The following RALYL variants were observed in gnomAD, a reference collection of about 807,000 sequenced individuals.
RALYL encodes RNA-binding Raly-like protein.
A neutral mutation model predicts 35.1 loss-of-function variants in RALYL; 29 were observed. That is an observed-to-expected ratio of 0.83 (90% confidence interval 0.61 to 1.13). The LOEUF is 1.13. RALYL is among the 50% of genes most tolerant of loss of function. The probability of loss-of-function intolerance (pLI) is 0.00; values close to 1 mark genes in which losing one functional copy is unlikely to be tolerated. For missense variants in RALYL, 359 were observed against 360.4 expected (o/e 1.00, Z 0.03); for synonymous variants, 120 against 127.6 (o/e 0.94, Z 0.40).
intron 2 of RALYL, among the ~76,000 whole-genome samples, chr8:84,659,181 T>C (rs536931467): frequency 6.6e-6 from 1 of 152,144 alleles, no homozygotes; most frequent in South Asian, 2.1e-4. Flanking sequence ...GGAAATAAGA[T>C]TGTAGAATGT....
intron 1 of RALYL, among the ~76,000 whole-genome samples, chr8:84,505,989 G>A (rs974804513): frequency 1.3e-5 from 2 of 152,032 alleles, no homozygotes; most frequent in Non-Finnish European, 2.9e-5. Context: ...CTAGTGTACT[G>A]TGAAATAGAA....
intron 4 of RALYL, among the ~76,000 whole-genome samples, chr8:84,835,213 C>A (rs1831705485): frequency 6.6e-6 from 1 of 152,012 alleles, no homozygotes; most frequent in Admixed American, 6.5e-5. Context: ...TAAATCTATA[C>A]AAATTAGCTA....
intron 2 of RALYL, among the ~76,000 whole-genome samples, chr8:84,680,015 C>T (rs1334908793): frequency 7.9e-5 from 12 of 151,902 alleles, no homozygotes; most frequent in Admixed American, 2.0e-4. Context: ...CCCCACCCCA[C>T]GACAGGCCCC....
At chr8:84,659,872 G>A (rs552360132) in intron 2 of RALYL, among the ~76,000 whole-genome samples, 35 of 152,240 alleles carry the variant, frequency 2.3e-4, no homozygotes, top group Admixed American at 4.6e-4. Flanking sequence ...AGTTGAAGAT[G>A]AAAAGGAGTG....
At chr8:84,319,286 CATTT>C (rs1844354505) in intron 1 of RALYL, among the ~76,000 whole-genome samples, 1 of 152,040 alleles carries the variant, frequency 6.6e-6, no homozygotes, top group Non-Finnish European at 1.5e-5. Flanking sequence ...GTCTAGAAAG[CATTT>C]ATTAATGTTA....
chr8:84,816,654 G>A (rs900605097), intron 4 of RALYL, among the ~76,000 whole-genome samples: 3 of 151,980 alleles, frequency 2.0e-5, no homozygotes, highest in East Asian at 3.9e-4. Context: ...TATGGTTAAT[G>A]GATACAAAAA....
intron 1 of RALYL, among the ~76,000 whole-genome samples, chr8:84,498,129 A>G (rs2056281548): frequency 6.6e-6 from 1 of 151,984 alleles, no homozygotes. Context: ...TTTTGCTGGA[A>G]GCCAACATAA....
intron 6 of RALYL, among the ~76,000 whole-genome samples, chr8:84,868,571 C>T (rs545947651): frequency 2.0e-5 from 3 of 152,276 alleles, no homozygotes; most frequent in Admixed American, 6.5e-5. Context: ...TTTAACAATT[C>T]TGATTTGCAT....
intron 2 of RALYL, among the ~76,000 whole-genome samples, chr8:84,606,487 G>C (rs936703911): frequency 1.3e-5 from 2 of 152,144 alleles, no homozygotes; most frequent in Admixed American, 6.5e-5. Flanking sequence ...CATTGCTTTA[G>C]AGCCTGGAAC....
intron 2 of RALYL, among the ~76,000 whole-genome samples, chr8:84,690,152 A>G (rs181329029): frequency 6.6e-6 from 1 of 152,174 alleles, no homozygotes. Flanking sequence ...ATGAATGGAT[A>G]AAGAAAATGT....
chr8:84,245,661 T>A (rs1828931991), intron 1 of RALYL, among the ~76,000 whole-genome samples: 2 of 152,184 alleles, frequency 1.3e-5, no homozygotes, highest in African/African-American at 4.8e-5. Flanking sequence ...TTGGATAGCA[T>A]ATATTCATAA....
At chr8:84,300,812 A>C (rs931450168) in intron 1 of RALYL, among the ~76,000 whole-genome samples, 3 of 151,962 alleles carry the variant, frequency 2.0e-5, no homozygotes, top group African/African-American at 7.2e-5. Flanking sequence ...TGAAGACAGC[A>C]TACAGTTGGG....
At chr8:84,841,031 C>T (rs1419739873) in intron 4 of RALYL, among the ~76,000 whole-genome samples, 1 of 152,120 alleles carries the variant, frequency 6.6e-6, no homozygotes, top group Non-Finnish European at 1.5e-5. Flanking sequence ...TTGTAAAGAC[C>T]ATCGAGTCTA....
chr8:84,480,227 T>C (rs1324279845), intron 1 of RALYL, among the ~76,000 whole-genome samples: 1 of 152,170 alleles, frequency 6.6e-6, no homozygotes, highest in Non-Finnish European at 1.5e-5. Flanking sequence ...AAATTTAGAA[T>C]ATCATTAATA....
At chr8:84,196,415 A>G (rs1195539270) in intron 1 of RALYL, among the ~76,000 whole-genome samples, 2 of 152,254 alleles carry the variant, frequency 1.3e-5, no homozygotes, top group Non-Finnish European at 2.9e-5. Flanking sequence ...AATTTTCTAA[A>G]AGACATATTA....
In RALYL at chr8:84,877,564, C is replaced by T. The variant is rs955664723; in HGVS notation, c.685+4167C>T. Among the ~76,000 whole-genome samples the T allele has an allele frequency of 2.0e-5, 3 of 152,078 alleles. No individual in the cohort carries two copies. In the South Asian group the frequency reaches 6.2e-4, roughly 32 times the overall value. ...TTTAAAGGGAGCTATAGTATTCTCACCCCTCCAAAACCTTTGAACAGAGAG... is the reference window on the plus strand; with the variant it reads ...TTTAAAGGGAGCTATAGTATTCTCATCCCTCCAAAACCTTTGAACAGAGAG... On this transcript the variant is annotated intron_variant, in intron 7 of 8. Coordinates refer to ENST00000521268, the MANE Select transcript of RALYL (RefSeq NM_173848.7).
At chr8:84,302,045 C>A (rs1372373711) in intron 1 of RALYL, among the ~76,000 whole-genome samples, 1 of 152,084 alleles carries the variant, frequency 6.6e-6, no homozygotes, top group South Asian at 2.1e-4. Flanking sequence ...TATCATTTAG[C>A]CTTTTGGAGT....
chr8:84,826,655 A>G (rs920035489), intron 4 of RALYL, among the ~76,000 whole-genome samples: 5 of 152,010 alleles, frequency 3.3e-5, no homozygotes, highest in Non-Finnish European at 2.9e-5. Context: ...CCAGTAAACT[A>G]CTAGGACCCT....
intron 1 of RALYL, among the ~76,000 whole-genome samples, chr8:84,213,704 C>T (rs1433881812): frequency 6.6e-6 from 1 of 152,126 alleles, no homozygotes; most frequent in Non-Finnish European, 1.5e-5. Flanking sequence ...GAAAACAAAT[C>T]CCTGAAATGA....
Sources: allele counts gnomAD v4.1 joint callset (sites outside exome capture counted in the v4.1 genomes callset), GRCh38; gene constraint gnomAD v4.1.1; transcripts MANE v1.5; gene names NCBI Gene and HGNC (gene_info 2026-07-23, HGNC 2026-07-21).